The following ZFX variants were observed in gnomAD, a reference collection of about 807,000 sequenced individuals.
The protein encoded by ZFX is zinc finger X-chromosomal protein.
For synonymous variants in ZFX, 196 were observed against 226.8 expected, an observed-to-expected ratio of 0.86 and a Z score of 1.22; for missense variants, 362 against 628.3, an observed-to-expected ratio of 0.58 and a Z score of 4.53.
At chrX:24,209,116 G>A in intron 9 of ZFX, 76 bp downstream of exon 9, 1 of 1,190,866 alleles carries the variant, frequency 8.4e-7, no homozygotes, top group Non-Finnish European at 1.1e-6. Flanking sequence ...ATCCACAGGG[G>A]TGTCACAATG....
chrX:24,172,766 A>G lies in ZFX; in HGVS notation c.24A>G (p.Leu8=). The G allele has an allele frequency of 8.3e-7, 1 of 1,203,767 alleles. No individual in the cohort carries two copies. The change falls in exon 4 of 10, where the codon TTA becomes TTG. Residue 8 remains leucine (L), a synonymous_variant. Coordinates refer to ENST00000304543, the MANE Select transcript of ZFX (RefSeq NM_003410.4). MDEDGLE[L]QQEPNSFFDA... ...CCATGGATGAAGATGGGCTTGAATT[A>G]CAACAAGAGCCAAACTCATTTTTTG...
At chrX:24,154,561 A>G (rs1333076613) in intron 3 of ZFX, among the ~76,000 whole-genome samples, 4 of 111,444 alleles carry the variant, frequency 3.6e-5, no homozygotes, top group African/African-American at 1.3e-4. Flanking sequence ...GGTCAAAACT[A>G]TTTTCATAAT....
chrX:24,168,977 A>G (rs1293719169), intron 3 of ZFX, among the ~76,000 whole-genome samples: 1 of 110,977 alleles, frequency 9.0e-6, no homozygotes, highest in African/African-American at 3.3e-5. Flanking sequence ...CGCCAGTTAC[A>G]TTATCACGTA....
chrX:24,207,486 G>T lies in ZFX; in HGVS notation c.796+11G>T. The T allele has an allele frequency of 8.3e-7, 1 of 1,203,106 alleles. No homozygotes were observed. Among genetic ancestry groups the T allele is most frequent in the Non-Finnish European group, 1.1e-6 (1 of 892,738 alleles). On this transcript the variant is annotated intron_variant, in intron 6 of 9. Transcript: ENST00000304543. ...GAGAAGATGACTTAGGTAAGAAGAA[G>T]TGTTTAGACATTATACATCCTCATC...
Position 24,178,162 on chromosome X carries a change from G to C in ZFX, c.59-1021G>C, listed in dbSNP as rs1935325760. 2.7e-5 allele frequency among the ~76,000 whole-genome samples: 3 copies of C among 110,758 alleles called. No individual in the cohort carries two copies. The Admixed American group carries it at 2.9e-4, about 11-fold the overall frequency. On this transcript the variant is annotated intron_variant, in intron 4 of 9. Coordinates refer to ENST00000304543, the MANE Select transcript of ZFX (RefSeq NM_003410.4). ...AGCCAGGATGGTCTCAATCTCCTGA[G>C]CTTGTGATCCACCTGCCTTGGCCTC...
At chrX:24,193,074 A>G (rs1936651255) in intron 5 of ZFX, among the ~76,000 whole-genome samples, 1 of 111,032 alleles carries the variant, frequency 9.0e-6, no homozygotes, top group Admixed American at 9.6e-5. Flanking sequence ...AGACACTAGT[A>G]TATTGGTTTA....
At chrX:24,198,242 G>A (rs2147924040) in intron 5 of ZFX, among the ~76,000 whole-genome samples, 1 of 110,832 alleles carries the variant, frequency 9.0e-6, no homozygotes, top group Admixed American at 9.6e-5. Context: ...TCGCTTTGTT[G>A]CCCAGGCTAG....
intron 9 of ZFX, 37 bp from the exon 10 acceptor site, chrX:24,210,156 G>A (rs1249015390): frequency 8.3e-7 from 1 of 1,207,972 alleles, no homozygotes; most frequent in Non-Finnish European, 1.1e-6. Flanking sequence ...ACAGAACTTG[G>A]TTTGAGCACT....
intron 4 of ZFX, among the ~76,000 whole-genome samples, chrX:24,178,226 G>A (rs772757122): frequency 3.6e-5 from 4 of 110,202 alleles, no homozygotes; most frequent in African/African-American, 6.6e-5. Flanking sequence ...CACTGCGCCC[G>A]GCCTACTTAA....
intron 3 of ZFX, among the ~76,000 whole-genome samples, chrX:24,164,781 C>CA (rs2147383238): frequency 9.1e-6 from 1 of 109,340 alleles, no homozygotes; most frequent in African/African-American, 3.3e-5. Context: ...GTAAAAAATA[C>CA]AAAAAATTAG....
rs1937656205 is a variant in ZFX at position 24,207,288 on chromosome X, ATC to A, written c.647-36_647-35del. ...GCGAATAGTAACATTTTATTTAAAT[ATC>A]TGTTACTATTTGTGATTTATTTCCT... On this transcript the variant is annotated intron_variant, in intron 5 of 9. Coordinates refer to ENST00000304543, the MANE Select transcript of ZFX (RefSeq NM_003410.4). 2.7e-6 allele frequency: 3 copies of A among 1,112,012 alleles called. No individual in the cohort carries two copies. The East Asian group carries it at 9.2e-5, about 34-fold the overall frequency. The allele number at this position is 1,112,012 out of a possible 1,213,427, so 91.6% of individuals were successfully genotyped here. A position where few individuals can be genotyped will look rare whatever the true frequency, so the allele number is the denominator to read the frequency against.
chrX:24,163,187 A>G (rs41505150), intron 3 of ZFX, among the ~76,000 whole-genome samples: 2,344 of 99,274 alleles, frequency 0.024, 76 homozygotes, highest in African/African-American at 0.082. Context: ...CCATCCTTGA[A>G]TTCTAGAGTA....
Position 24,210,348 on chromosome X carries a change from A to G in ZFX, c.1390A>G (p.Thr464Ala), listed in dbSNP as rs750213223. 1.7e-6 allele frequency: 2 copies of G among 1,210,190 alleles called. No individual in the cohort carries two copies. The highest frequency in any genetic ancestry group is 3.5e-5 in the African/African-American group (2 of 57,192). Reference sequence around the variant, plus strand: ...ATACCGCTGTACTGACTGTGATTACACTACCAACAAGAAGATAAGTTTACA... The same window carrying G: ...ATACCGCTGTACTGACTGTGATTACGCTACCAACAAGAAGATAAGTTTACA... ...KKYRCTDCDY[T>A]TNKKISLHNH... Residue 464 changes from threonine to alanine, a missense_variant, in exon 10 of 10, where the codon ACT becomes GCT. By Grantham distance (58) the Thr-to-Ala change is moderately conservative (BLOSUM62 0). Transcript: ENST00000304543.
chrX:24,155,502 A>G (rs1303058302), intron 3 of ZFX, among the ~76,000 whole-genome samples: 2 of 112,349 alleles, frequency 1.8e-5, no homozygotes, highest in African/African-American at 6.5e-5. Flanking sequence ...CACTACTGCT[A>G]TGAACATCCT....
Position 24,179,451 on chromosome X carries a change from A to C in ZFX, c.327A>C (p.Ala109=). 1 of 1,212,351 alleles carries C rather than the reference A, an allele frequency of 8.2e-7. No individual in the cohort carries two copies. The highest frequency in any genetic ancestry group is 1.1e-6 in the Non-Finnish European group (1 of 895,654). ...ATGTAACTGAAGAAGTTTCTTTAGCACATTGCACAGTCCCAGATGATGTTT... is the reference window on the plus strand; with the variant it reads ...ATGTAACTGAAGAAGTTTCTTTAGCCCATTGCACAGTCCCAGATGATGTTT... ...DSDVTEEVSL[A]HCTVPDDVLA... Residue 109 remains alanine, a synonymous_variant, in exon 5 of 10, where the codon GCA becomes GCC. Coordinates refer to ENST00000304543, the MANE Select transcript of ZFX (RefSeq NM_003410.4).
At chrX:24,154,220 T>A (rs932829679) in intron 3 of ZFX, among the ~76,000 whole-genome samples, 4 of 111,964 alleles carry the variant, frequency 3.6e-5, no homozygotes, top group Non-Finnish European at 3.8e-5. Flanking sequence ...ATTTAAGAGA[T>A]CTTAATATTT....
chrX:24,155,857 G>T (rs1163387554), intron 3 of ZFX, among the ~76,000 whole-genome samples: 1 of 111,787 alleles, frequency 8.9e-6, no homozygotes, highest in African/African-American at 3.3e-5. Context: ...TTTTTCTGTT[G>T]GATTGTTGCC....
At chrX:24,172,928 G>A (rs1934761827) in intron 4 of ZFX, 128 bp downstream of exon 4, 1 of 625,125 alleles carries the variant, frequency 1.6e-6, no homozygotes, top group Non-Finnish European at 2.3e-6. Flanking sequence ...ATTCACAGGT[G>A]TTACGGTGAG....
At chrX:24,151,420 T>C (rs1932108539) in intron 1 of ZFX, 1 of 111,411 alleles carries the variant, frequency 9.0e-6, no homozygotes, top group South Asian at 3.7e-4. Flanking sequence ...GGGTAGGACT[T>C]TGTTAGGTAG....
Sources: gnomAD v4.1 joint callset for allele counts (sites outside exome capture counted in the v4.1 genomes callset) on GRCh38, gnomAD v4.1.1 for gene constraint, MANE v1.5 for transcripts, NCBI Gene and HGNC (gene_info 2026-07-23, HGNC 2026-07-21) for gene names.